TRAPPC8: variants seen among roughly 807,000 people sequenced by gnomAD.
The protein encoded by TRAPPC8 is trafficking protein particle complex subunit 8.
Under a neutral mutation model 174.3 loss-of-function variants are expected in TRAPPC8, and 54 were observed. The observed-to-expected ratio is 0.31, with a 90% CI of 0.25 to 0.39. TRAPPC8 has a LOEUF of 0.39. TRAPPC8 is among the 10% of genes least tolerant of loss of function. TRAPPC8 has a pLI of 1.00. For synonymous variants in TRAPPC8, 630 were observed against 579.9 expected, an observed-to-expected ratio of 1.09 and a Z score of -1.24; for missense variants, 1,531 against 1,699.1, an observed-to-expected ratio of 0.90 and a Z score of 1.74.
At chr18:31,925,469 A>G (rs542720650) in intron 2 of TRAPPC8, among the ~76,000 whole-genome samples, 19 of 152,164 alleles carry the variant, frequency 1.2e-4, no homozygotes, top group Non-Finnish European at 2.6e-4. Context: ...CAGAAAAATA[A>G]AAAGACAGAG....
rs1017309223 is a variant in TRAPPC8, at chr18:31,900,916, G to A, written c.1490+9C>T. On this transcript the variant is annotated intron_variant, in intron 10 of 28. Transcript: ENST00000283351. ...CTGGATACAATATAAATCTTATATA[G>A]TCACCTACTTGCAGATATCTCTGTA... The A allele has an allele frequency of 2.6e-6, 4 of 1,541,166 alleles. No homozygotes were observed. Among genetic ancestry groups the A allele is most frequent in the Non-Finnish European group, 3.5e-6 (4 of 1,136,822 alleles).
intron 2 of TRAPPC8, among the ~76,000 whole-genome samples, chr18:31,919,945 T>C (rs2037313884): frequency 6.6e-6 from 1 of 150,994 alleles, no homozygotes; most frequent in Non-Finnish European, 1.5e-5. Context: ...AAGGCAAAAA[T>C]TGGAGAATAA....
chr18:31,832,194 A>G (rs752232162), intron 27 of TRAPPC8, 21 bp from the exon 28 acceptor site: 23 of 1,428,380 alleles, frequency 1.6e-5, no homozygotes, highest in Non-Finnish European at 2.1e-5. Context: ...AAAATAAACA[A>G]AAAAGTTATA....
intron 12 of TRAPPC8, among the ~76,000 whole-genome samples, chr18:31,881,082 A>T (rs1189255936): frequency 6.6e-6 from 1 of 152,272 alleles, no homozygotes; most frequent in East Asian, 1.9e-4. Context: ...AGCAATCTAC[A>T]GATTCAACAA....
intron 16 of TRAPPC8, 59 bp downstream of exon 16, chr18:31,870,313 C>A: frequency 1.3e-6 from 2 of 1,491,236 alleles, no homozygotes; most frequent in Admixed American, 2.0e-5. Context: ...TGAAATGTTA[C>A]TACAGCATTT....
At chr18:31,916,195 AAACG>A (rs1307408468) in intron 4 of TRAPPC8, 73 bp downstream of exon 4, 5 of 1,108,400 alleles carry the variant, frequency 4.5e-6, no homozygotes, top group Non-Finnish European at 6.0e-6. Context: ...AATAAATCCA[AAACG>A]TAAACAAGCT....
chr18:31,908,929 T>A lies in TRAPPC8; in HGVS notation c.947A>T (p.Asp316Val), dbSNP rs773446137. The A allele has an allele frequency of 1.9e-6, 3 of 1,613,814 alleles. No homozygotes were observed. The highest frequency in any genetic ancestry group is 2.5e-6 in the Non-Finnish European group (3 of 1,179,806). ...TAACGATGAAGCAGATCTTAGATGA[T>A]CTGGGCCATCAATACTGTTAGAAGG... ...SDPSNSIDGP[D>V]HLRSASSLHE... The change falls in exon 7 of 29, where the codon GAT becomes GTT. Residue 316 changes from aspartate (D) to valine (V), a missense_variant. Coordinates refer to ENST00000283351, the MANE Select transcript of TRAPPC8 (RefSeq NM_014939.5).
At chr18:31,908,455 AATTT>A in intron 7 of TRAPPC8, 37 bp from the exon 8 acceptor site, 3 of 1,357,134 alleles carry the variant, frequency 2.2e-6, no homozygotes, top group Non-Finnish European at 3.0e-6. Context: ...ACAAACAAAG[AATTT>A]AGTATTTTTC....
chr18:31,848,344 A>G (rs561411741), intron 25 of TRAPPC8, among the ~76,000 whole-genome samples: 13 of 152,340 alleles, frequency 8.5e-5, no homozygotes, highest in African/African-American at 3.1e-4. Flanking sequence ...TGCACTTAAC[A>G]ATGAGTACAG....
chr18:31,873,399 A>C (rs1009505910), intron 14 of TRAPPC8, 31 bp downstream of exon 14: 1 of 1,508,384 alleles, frequency 6.6e-7, no homozygotes, highest in Non-Finnish European at 9.1e-7. Flanking sequence ...AATTGTCATT[A>C]GGTAATTAGG....
chr18:31,940,342 G>A (rs796132335), intron 1 of TRAPPC8, among the ~76,000 whole-genome samples: 21 of 151,990 alleles, frequency 1.4e-4, no homozygotes, highest in African/African-American at 4.6e-4. Context: ...GTGAGCGCCT[G>A]TAATCCCAGC....
intron 27 of TRAPPC8, among the ~76,000 whole-genome samples, chr18:31,836,073 A>G (rs544140120): frequency 6.6e-6 from 1 of 152,290 alleles, no homozygotes; most frequent in Admixed American, 6.5e-5. Flanking sequence ...TCATTTCTGA[A>G]ATGGTTTGTT....
intron 16 of TRAPPC8, 75 bp downstream of exon 16, chr18:31,870,297 G>C (rs1003894726): frequency 1.5e-6 from 2 of 1,374,432 alleles, no homozygotes; most frequent in Admixed American, 4.5e-5. Flanking sequence ...ACTGAACAGA[G>C]TACATTGAAA....
At chr18:31,930,251 C>A (rs754686988) in intron 2 of TRAPPC8, among the ~76,000 whole-genome samples, 14 of 151,932 alleles carry the variant, frequency 9.2e-5, no homozygotes, top group Non-Finnish European at 1.8e-4. Context: ...TCCCAAGTAG[C>A]TGGGATTACA....
Position 31,855,751 on chromosome 18 carries a change from C to T in TRAPPC8, c.3245G>A (p.Arg1082Gln), listed in dbSNP as rs777711180. ...AGAATTACTTCTGCAGACAGTGGCC[C>T]GTACATTTAAAGACCGACTGGTACA... ...IICTSRSLNV[R>Q]ATVCRSNSLE... Residue 1082 changes from arginine (R) to glutamine (Q), a missense_variant, in exon 21 of 29, where the codon CGG (arginine) becomes CAG (glutamine). Physicochemically the swap from Arg to Gln is conservative, Grantham distance 43. Coordinates refer to ENST00000283351, the MANE Select transcript of TRAPPC8 (RefSeq NM_014939.5). The T allele has an allele frequency of 1.2e-5, 19 of 1,610,642 alleles. No homozygotes were observed. The Admixed American group carries it at 1.7e-4, about 14-fold the overall frequency.
At position 31,843,665 on chromosome 18, in the gene TRAPPC8, T is replaced by C. The variant is rs142465868; in HGVS notation, c.3837+3051A>G. On this transcript the variant is annotated intron_variant, in intron 26 of 28. Coordinates refer to ENST00000283351, the MANE Select transcript of TRAPPC8 (RefSeq NM_014939.5). ...GGTAACTCAGCATTCTTTATTCATT[T>C]ACTTAATAATTACCAAGTACTTATT... is the stretch of plus-strand genomic sequence containing the variant. Among the ~76,000 whole-genome samples the C allele has an allele frequency of 4.6e-3, 706 of 152,334 alleles. 2 individuals are homozygous for C. Among genetic ancestry groups the C allele is most frequent in the Non-Finnish European group, 6.7e-3 (456 of 68,018 alleles).
chr18:31,904,948 T>A (rs746186799), intron 9 of TRAPPC8, among the ~76,000 whole-genome samples: 13 of 151,632 alleles, frequency 8.6e-5, no homozygotes, highest in Non-Finnish European at 1.8e-4. Flanking sequence ...GAGGATCACT[T>A]GAACCCAGGA....
Position 31,841,319 on chromosome 18 carries a change from T to C in TRAPPC8, c.3838-1862A>G, listed in dbSNP as rs573039499. Among the ~76,000 whole-genome samples the C allele has an allele frequency of 5.3e-5, 8 of 152,210 alleles. No homozygotes were observed. In the South Asian group the frequency reaches 1.7e-3, roughly 32 times the overall value. On this transcript the variant is annotated intron_variant, in intron 26 of 28. Coordinates refer to ENST00000283351, the MANE Select transcript of TRAPPC8 (RefSeq NM_014939.5). Reference sequence around the variant, plus strand: ...ATTTTTTATCTTTCCAATTGACAGCTTGTGGATATTTTGCTTTTTTGCAAT... The same window carrying C: ...ATTTTTTATCTTTCCAATTGACAGCCTGTGGATATTTTGCTTTTTTGCAAT...
intron 4 of TRAPPC8, among the ~76,000 whole-genome samples, chr18:31,916,056 C>CAAA (rs34732342): frequency 2.3e-5 from 2 of 87,924 alleles, no homozygotes; most frequent in Admixed American, 1.3e-4. Flanking sequence ...GACCTCGTCT[C>CAAA]AAAAAAAAAA....
Sources: allele counts gnomAD v4.1 joint callset (sites outside exome capture counted in the v4.1 genomes callset), GRCh38; gene constraint gnomAD v4.1.1; transcripts MANE v1.5; gene names NCBI Gene and HGNC (gene_info 2026-07-23, HGNC 2026-07-21).